Variants in SH3PXD2B observed in about 807,000 individuals in gnomAD.
SH3PXD2B encodes the protein SH3 and PX domain-containing protein 2B.
Under a neutral mutation model 73.1 loss-of-function variants are expected in SH3PXD2B, and 37 were observed. The observed-to-expected ratio is 0.51, with a 90% CI of 0.39 to 0.67. The LOEUF (loss-of-function observed/expected upper bound fraction) is 0.67, where lower values mean the gene tolerates loss of function less well. Ranked by LOEUF, SH3PXD2B falls within the 30% of genes least tolerant of loss-of-function variation. The pLI, the probability that SH3PXD2B is intolerant of heterozygous loss-of-function variation, is 0.00. For synonymous variants in SH3PXD2B, 457 were observed against 480.5 expected (o/e 0.95, Z 0.64); for missense variants, 1,053 against 1,197.8 (o/e 0.88, Z 1.78).
intron 1 of SH3PXD2B, among the ~76,000 whole-genome samples, chr5:172,427,572 G>A (rs1396015412): frequency 2.0e-5 from 3 of 151,858 alleles, no homozygotes; most frequent in Non-Finnish European, 2.9e-5. Flanking sequence ...GGCTGTTATC[G>A]AACTCCTGGC....
rs1756787269 is a variant in SH3PXD2B at position 172,339,269 on chromosome 5, G to T, written c.1836C>A (p.Leu612=). The T allele has an allele frequency of 1.9e-6, 3 of 1,614,116 alleles. No individual in the cohort carries two copies. The African/African-American group carries it at 4.0e-5, about 22-fold the overall frequency. ...CAGTTTTGGATTTGGAGATGGGCCG[G>T]AGGTTGGGCTTCTTCACTTCCTTGG... is the stretch of plus-strand genomic sequence containing the variant. ...VLAKEVKKPN[L]RPISKSKTDL... The change falls in exon 13 of 13, where the codon CTC becomes CTA. Residue 612 remains leucine (L), a synonymous_variant. Coordinates refer to ENST00000311601, the MANE Select transcript of SH3PXD2B (RefSeq NM_001017995.3). The surrounding 1 kb of genome is among the most constrained non-coding windows in gnomAD (Gnocchi z 6.1).
Position 172,336,949 on chromosome 5 carries a change from C to A in SH3PXD2B, c.*1420G>T. ...AAACATTACAAATGCCGGAGAGGCA[C>A]AGGAAGCAGCTCTGCCTGGCCCTTG... On this transcript the variant is annotated 3_prime_UTR_variant, in exon 13 of 13. Transcript: ENST00000311601. 1 of 985,592 alleles carries A rather than the reference C, an allele frequency of 1.0e-6. No homozygotes were observed. Among genetic ancestry groups the A allele is most frequent in the South Asian group, 4.7e-5 (1 of 21,292 alleles). The allele number at this position is 985,592 out of a possible 1,614,324, so 61.1% of individuals were successfully genotyped here.
At chr5:172,442,581 C>T (rs529277476) in intron 1 of SH3PXD2B, among the ~76,000 whole-genome samples, 1 of 152,254 alleles carries the variant, frequency 6.6e-6, no homozygotes, top group East Asian at 1.9e-4. Context: ...GAGAAAACAG[C>T]TACAAATTTT....
chr5:172,326,588 C>T (rs1037179102), intron 12 of SH3PXD2B, among the ~76,000 whole-genome samples: 1 of 152,116 alleles, frequency 6.6e-6, no homozygotes, highest in Non-Finnish European at 1.5e-5. Flanking sequence ...GAAAGATGTC[C>T]ATTTTGAGAA....
chr5:172,331,221 T>C (rs1317688798), downstream of SH3PXD2B, among the ~76,000 whole-genome samples: 1 of 151,228 alleles, frequency 6.6e-6, no homozygotes, highest in Non-Finnish European at 1.5e-5. Context: ...AAATAAATGG[T>C]AATAATAATA....
At chr5:172,383,616 T>C (rs779585063) in intron 4 of SH3PXD2B, among the ~76,000 whole-genome samples, 2 of 152,210 alleles carry the variant, frequency 1.3e-5, no homozygotes, top group African/African-American at 4.8e-5. Context: ...GGTTCACGCA[T>C]ACATTTTGTT....
rs552459521 is a variant in SH3PXD2B, at chr5:172,361,316, A to G, written c.562+1419T>C. 3.9e-5 allele frequency among the ~76,000 whole-genome samples: 6 copies of G among 152,100 alleles called. No individual in the cohort carries two copies. In the East Asian group the frequency reaches 1.2e-3, roughly 29 times the overall value. On this transcript the variant is annotated intron_variant, in intron 7 of 12. Transcript: ENST00000311601. ...GTTAGGGTTGAAGCTGGTAGAAAAA[A>G]TAGATTTTAGTTTCATCATTAATCT...
rs142779141 is a variant in SH3PXD2B, at chr5:172,339,814, C to T, written c.1291G>A (p.Ala431Thr). 7.2e-4 allele frequency: 1,158 copies of T among 1,613,842 alleles called. 2 individuals are homozygous for T. Among genetic ancestry groups the T allele is most frequent in the Non-Finnish European group, 8.9e-4 (1,052 of 1,179,794 alleles). ...GGAGCCAGAAAGTTGGGTCTCGACG[C>T]GTTGCTCGTCTTCTTGTACTTGTCA... is the stretch of plus-strand genomic sequence containing the variant. ...FIDKYKKTSN[A>T]SRPNFLAPLP... The change falls in exon 13 of 13, where the codon GCG (alanine) becomes ACG (threonine). Residue 431 changes from alanine to threonine, a missense_variant. Transcript: ENST00000311601. This position sits in a 1 kb window ranked among gnomAD's most constrained non-coding sequence, Gnocchi z 6.1.
chr5:172,359,233 A>G (rs1031512936), intron 7 of SH3PXD2B, among the ~76,000 whole-genome samples: 1 of 151,818 alleles, frequency 6.6e-6, no homozygotes, highest in Non-Finnish European at 1.5e-5. Flanking sequence ...CGAAAAATTT[A>G]AAAATTAGCC....
At chr5:172,416,684 C>CTT (rs1758829578) in intron 2 of SH3PXD2B, among the ~76,000 whole-genome samples, 2 of 90,744 alleles carry the variant, frequency 2.2e-5, no homozygotes, top group Non-Finnish European at 4.0e-5. Flanking sequence ...GTGAGTCTCT[C>CTT]TCTCTCTCTC....
In SH3PXD2B at chr5:172,339,683, C is replaced by A. The variant is rs199727236; in HGVS notation, c.1422G>T (p.Pro474=). ...TGPSRPLPDA[P]HGVMDSGLPW... The stretch of plus-strand genomic sequence containing the variant: ...GCAACCCCGAGTCCATGACACCATG[C>A]GGTGCGTCAGGCAGGGGCCGGGAGG... The change falls in exon 13 of 13, where the codon CCG becomes CCT. Residue 474 remains proline (P), a synonymous_variant. Transcript: ENST00000311601. This position sits in a 1 kb window ranked among gnomAD's most constrained non-coding sequence, Gnocchi z 6.1. The A allele has an allele frequency of 6.2e-7, 1 of 1,614,222 alleles. No homozygotes were observed. Among genetic ancestry groups the A allele is most frequent in the Non-Finnish European group, 8.5e-7 (1 of 1,180,038 alleles).
chr5:172,347,852 A>C (rs1344971680), intron 10 of SH3PXD2B, among the ~76,000 whole-genome samples: 1 of 152,230 alleles, frequency 6.6e-6, no homozygotes, highest in Admixed American at 6.5e-5. Context: ...GCTCTAGAAC[A>C]ACCCAAACGC....
At chr5:172,420,074 T>G (rs981380781) in intron 2 of SH3PXD2B, among the ~76,000 whole-genome samples, 1 of 152,208 alleles carries the variant, frequency 6.6e-6, no homozygotes, top group African/African-American at 2.4e-5. Context: ...CGAAAGATGC[T>G]GGGCATCCCC....
chr5:172,453,252 T>C (rs1203984910), intron 1 of SH3PXD2B, among the ~76,000 whole-genome samples: 3 of 152,182 alleles, frequency 2.0e-5, no homozygotes, highest in Non-Finnish European at 4.4e-5. Context: ...TCTTTTTCCC[T>C]TCCTGGTTAA....
intron 6 of SH3PXD2B, among the ~76,000 whole-genome samples, chr5:172,366,176 G>A (rs929713979): frequency 2.0e-5 from 3 of 152,158 alleles, no homozygotes; most frequent in African/African-American, 4.8e-5. Flanking sequence ...TCACAGAGCC[G>A]CAGGTTTCAC....
chr5:172,398,784 A>G (rs961482674), intron 3 of SH3PXD2B, among the ~76,000 whole-genome samples: 1 of 152,216 alleles, frequency 6.6e-6, no homozygotes, highest in African/African-American at 2.4e-5. Flanking sequence ...TTTCTACACC[A>G]TGGGGAGATT....
intron 6 of SH3PXD2B, among the ~76,000 whole-genome samples, chr5:172,365,860 A>G (rs1561906497): frequency 1.5e-5 from 1 of 67,568 alleles, no homozygotes; most frequent in African/African-American, 4.7e-5. Flanking sequence ...TGGTCACTAG[A>G]CTCACTCTTC....
chr5:172,325,946 C>T (rs1195057158), intron 12 of SH3PXD2B, among the ~76,000 whole-genome samples: 1 of 152,224 alleles, frequency 6.6e-6, no homozygotes, highest in Non-Finnish European at 1.5e-5. Context: ...TGCCGCCAGA[C>T]CTGGCTAATT....
chr5:172,428,836 C>A (rs1434322129), intron 1 of SH3PXD2B, among the ~76,000 whole-genome samples: 2 of 152,160 alleles, frequency 1.3e-5, no homozygotes, highest in Non-Finnish European at 2.9e-5. Flanking sequence ...CATAAGGAAG[C>A]AGACAGATCT....
Sources: allele counts gnomAD v4.1 joint callset (sites outside exome capture counted in the v4.1 genomes callset), GRCh38; gene constraint gnomAD v4.1.1; non-coding constraint Gnocchi (gnomAD v3.1); transcripts MANE v1.5; gene names NCBI Gene and HGNC (gene_info 2026-07-23, HGNC 2026-07-21).